UNC13C: variants seen among roughly 807,000 people sequenced by gnomAD.
UNC13C encodes the protein protein unc-13 homolog C.
In UNC13C, 174 loss-of-function variants were observed where a neutral mutation model predicts 245.4. That is an observed-to-expected ratio of 0.71 (90% CI 0.63 to 0.80). The LOEUF is 0.80. UNC13C is among the 30% of genes least tolerant of loss of function. UNC13C has a pLI of 0.00. For missense variants in UNC13C, 2,829 were observed against 2,602.9 expected (o/e 1.09, Z -1.89); for synonymous variants, 992 against 895.1 (o/e 1.11, Z -1.93).
chr15:53,979,094 A>G (rs1288698651), intron 1 of UNC13C, among the ~76,000 whole-genome samples, 167 bp downstream of exon 1: 1 of 151,946 alleles, frequency 6.6e-6, no homozygotes, highest in Non-Finnish European at 1.5e-5. Context: ...TATAATGTAC[A>G]TGATTCTATG....
chr15:54,234,948 C>G (rs370039928), intron 4 of UNC13C, 82 bp from the exon 5 acceptor site: 1 of 1,263,930 alleles, frequency 7.9e-7, no homozygotes, highest in South Asian at 1.3e-5. Flanking sequence ...TTTTCACAGA[C>G]TTTATACCAT....
At chr15:54,629,433 A>T (rs965762531), downstream of UNC13C, 2 of 152,170 alleles carry the variant, frequency 1.3e-5, no homozygotes, top group Admixed American at 1.3e-4. Context: ...AATCTAAAAT[A>T]AAAGTTTTTA....
chr15:54,539,890 T>C (rs1474149674), intron 26 of UNC13C, among the ~76,000 whole-genome samples: 1 of 152,118 alleles, frequency 6.6e-6, no homozygotes, highest in East Asian at 1.9e-4. Flanking sequence ...TACTAAAGTA[T>C]AATTAGAAAA....
chr15:53,898,555 A>C, the UNC13C span, among the ~76,000 whole-genome samples: 19 of 152,154 alleles, frequency 1.2e-4, no homozygotes, highest in Admixed American at 7.2e-4. Context: ...TCCCTAGTAA[A>C]TGAGAAAAGA....
intron 17 of UNC13C, among the ~76,000 whole-genome samples, chr15:54,362,613 T>C (rs1369395289): frequency 6.6e-6 from 1 of 152,156 alleles, no homozygotes; most frequent in Non-Finnish European, 1.5e-5. Flanking sequence ...TATAGAACCA[T>C]AACATCACTT....
upstream of UNC13C, among the ~76,000 whole-genome samples, chr15:53,974,317 T>A (rs1025908170): frequency 2.0e-5 from 3 of 152,180 alleles, no homozygotes; most frequent in Non-Finnish European, 2.9e-5. Flanking sequence ...CAAAGCTAAT[T>A]GGCTACACAG....
At position 54,354,258 on chromosome 15, in the gene UNC13C, C is replaced by T. The variant is rs552938362; in HGVS notation, c.4713+15769C>T. Reference sequence around the variant, plus strand: ...AAGAATGTTTGTGAATCATCTTACTCATAGGTATTCAGGAGATGGTCCTTT... The same window carrying T: ...AAGAATGTTTGTGAATCATCTTACTTATAGGTATTCAGGAGATGGTCCTTT... On this transcript the variant is annotated intron_variant, in intron 17 of 32. Coordinates refer to ENST00000260323, the MANE Select transcript of UNC13C (RefSeq NM_001080534.3). Among the ~76,000 whole-genome samples the T allele has an allele frequency of 2.0e-5, 3 of 152,186 alleles. No homozygotes were observed. The South Asian group carries it at 6.2e-4, about 32-fold the overall frequency.
intron 2 of UNC13C, among the ~76,000 whole-genome samples, chr15:54,074,526 A>G (rs1011616242): frequency 6.6e-6 from 1 of 152,096 alleles, no homozygotes; most frequent in Non-Finnish European, 1.5e-5. Flanking sequence ...ATGTTTTTAC[A>G]TTTGTTTGTG....
intron 4 of UNC13C, among the ~76,000 whole-genome samples, chr15:54,199,046 CA>C (rs2034443960): frequency 6.6e-6 from 1 of 151,906 alleles, no homozygotes; most frequent in South Asian, 2.1e-4. Context: ...ATGCAAAATA[CA>C]CTGGAAACTC....
rs1279028197 is a variant in UNC13C at position 54,042,852 on chromosome 15, CAGAAAAGAA to C, written c.2983+26968_2983+26976del. On this transcript the variant is annotated intron_variant, in intron 2 of 32. Transcript: ENST00000260323. ...TGGGTGACAGAGCGAGACTCTGTCT[CAGAAAAGAA>C]AAAGAAAAAGAAAAAGAAACCACTT... Among the ~76,000 whole-genome samples the C allele has an allele frequency of 2.7e-5, 4 of 150,462 alleles. No individual in the cohort carries two copies. In the Admixed American group the frequency reaches 2.7e-4, roughly 10 times the overall value.
intron 2 of UNC13C, among the ~76,000 whole-genome samples, chr15:54,096,851 AAT>A (rs1057159895): frequency 3.3e-5 from 5 of 152,202 alleles, no homozygotes; most frequent in Admixed American, 1.3e-4. Context: ...TATGTATGTA[AAT>A]ATGTTTTTAA....
intron 24 of UNC13C, among the ~76,000 whole-genome samples, chr15:54,514,596 A>G (rs991988718): frequency 2.0e-5 from 3 of 152,192 alleles, no homozygotes; most frequent in Admixed American, 6.5e-5. Flanking sequence ...GCTTTCCTCT[A>G]ATATTATACT....
chr15:54,592,874 T>G (rs1429256541), intron 30 of UNC13C, among the ~76,000 whole-genome samples: 1 of 151,866 alleles, frequency 6.6e-6, no homozygotes, highest in African/African-American at 2.4e-5. Context: ...TTTTTTTTTT[T>G]TTTTTACTTG....
At chr15:54,083,238 A>G (rs1330846322) in intron 2 of UNC13C, among the ~76,000 whole-genome samples, 3 of 152,016 alleles carry the variant, frequency 2.0e-5, no homozygotes, top group African/African-American at 7.3e-5. Flanking sequence ...CAAAACCTCC[A>G]GTTCATTTAG....
In UNC13C at chr15:54,505,756, T is replaced by TTG. The variant is rs765127246; in HGVS notation, c.5302-1360_5302-1359insGT. ...TTTAAGCTATATTCTTTTTTTTTTT[T>TTG]TTTTTTGAGACAATCTCGCTCTGTC... On this transcript the variant is annotated intron_variant, in intron 22 of 32. Coordinates refer to ENST00000260323, the MANE Select transcript of UNC13C (RefSeq NM_001080534.3). Among the ~76,000 whole-genome samples the TTG allele has an allele frequency of 2.2e-3, 327 of 151,158 alleles. 3 individuals are homozygous for TTG. The highest frequency in any genetic ancestry group is 3.9e-3 in the Non-Finnish European group (267 of 67,732).
intron 1 of UNC13C, among the ~76,000 whole-genome samples, chr15:54,002,340 T>C (rs1894933749): frequency 6.6e-6 from 1 of 151,690 alleles, no homozygotes; most frequent in African/African-American, 2.4e-5. Context: ...TATGTTTGAG[T>C]AAGTCTCGAG....
chr15:54,268,484 T>A (rs1254684444), intron 10 of UNC13C, among the ~76,000 whole-genome samples: 1 of 152,174 alleles, frequency 6.6e-6, no homozygotes, highest in East Asian at 1.9e-4. Context: ...GCTTGCCTGG[T>A]AATTTTAGCT....
the UNC13C span, among the ~76,000 whole-genome samples, chr15:53,867,740 A>C: frequency 6.6e-6 from 1 of 152,198 alleles, no homozygotes; most frequent in African/African-American, 2.4e-5. Context: ...ATATGATTTG[A>C]ATCCTATTTC....
At chr15:53,970,841 T>C in the UNC13C span, among the ~76,000 whole-genome samples, 250 of 152,324 alleles carry the variant, frequency 1.6e-3, 1 homozygote, top group African/African-American at 6.0e-3. Context: ...TAAAAGTTGA[T>C]TAAAAAATAA....
Sources: gnomAD v4.1 joint callset for allele counts (sites outside exome capture counted in the v4.1 genomes callset) on GRCh38, gnomAD v4.1.1 for gene constraint, MANE v1.5 for transcripts, NCBI Gene and HGNC (gene_info 2026-07-23, HGNC 2026-07-21) for gene names.